Variants in SETD3 observed in about 807,000 individuals in gnomAD.
The protein encoded by SETD3 is actin-histidine N-methyltransferase.
A neutral mutation model predicts 63.0 loss-of-function variants in SETD3; 19 were observed. The ratio of observed to expected loss-of-function variants is 0.30; its 90% CI spans 0.21 to 0.44. The LOEUF (loss-of-function observed/expected upper bound fraction) is 0.44, where lower values mean the gene tolerates loss of function less well. Among genes scored for constraint, SETD3 ranks in the 20% least tolerant of loss-of-function variants. The probability of loss-of-function intolerance (pLI) is 1.00; values close to 1 mark genes in which losing one functional copy is unlikely to be tolerated. For missense variants in SETD3, 587 were observed against 728.5 expected (o/e 0.81, Z 2.24); for synonymous variants, 286 against 264.1 (o/e 1.08, Z -0.80).
chr14:99,481,301 C>T (rs1896305093), upstream of SETD3: 2 of 395,498 alleles, frequency 5.1e-6, no homozygotes, highest in African/African-American at 2.1e-5. Context: ...GCTCGTTCCT[C>T]TTTTGAGAGC....
At chr14:99,455,591 ACATT>A in intron 6 of SETD3, among the ~76,000 whole-genome samples, 1 of 152,360 alleles carries the variant, frequency 6.6e-6, no homozygotes, top group African/African-American at 2.4e-5. Context: ...TAACGAGAAG[ACATT>A]CATGAGAAAA....
rs751997703 is a variant in SETD3 at position 99,405,205 on chromosome 14, G to A, written c.1091C>T (p.Thr364Ile). ...GGCCAACCGATGTTTTTCTACGTAC[G>A]TGGGGATGCCGGCACGAGCCAAGAC... ...AEVLARAGIPTSSVFALHFTE... is the reference protein window; with the variant it reads ...AEVLARAGIPISSVFALHFTE... Residue 364 changes from threonine to isoleucine, a missense_variant and splice_region_variant, in exon 10 of 13, where the codon ACT becomes ATT. Thr to Ile is a moderately conservative substitution (Grantham distance 89, BLOSUM62 -1). Coordinates refer to ENST00000331768, the MANE Select transcript of SETD3 (RefSeq NM_032233.3). 5.0e-6 allele frequency: 8 copies of A among 1,611,780 alleles called. No individual in the cohort carries two copies. The highest frequency in any genetic ancestry group is 2.2e-5 in the South Asian group (2 of 90,510).
intron 6 of SETD3, among the ~76,000 whole-genome samples, chr14:99,443,565 T>C (rs778596214): frequency 1.2e-4 from 18 of 152,200 alleles, no homozygotes; most frequent in Non-Finnish European, 2.2e-4. Context: ...TGATTTTGTT[T>C]TTAATCTGTG....
chr14:99,479,507 T>A (rs74433000), intron 1 of SETD3, among the ~76,000 whole-genome samples: 3,786 of 152,324 alleles, frequency 0.025, 159 homozygotes, highest in African/African-American at 0.086. Flanking sequence ...GGGTTAAATG[T>A]ATTCGCTTAA....
chr14:99,478,955 C>T (rs969303447), intron 1 of SETD3, among the ~76,000 whole-genome samples: 1 of 152,182 alleles, frequency 6.6e-6, no homozygotes, highest in African/African-American at 2.4e-5. Flanking sequence ...CCTAAATGTC[C>T]ACGGCACGGA....
chr14:99,445,672 G>A (rs771094187), intron 6 of SETD3, among the ~76,000 whole-genome samples: 4 of 152,182 alleles, frequency 2.6e-5, no homozygotes, highest in East Asian at 1.9e-4. Flanking sequence ...ATATATCAAC[G>A]AATGTGAGTG....
chr14:99,401,973 G>GGAGCTGA (rs1555392071), intron 11 of SETD3, among the ~76,000 whole-genome samples: 6,124 of 152,260 alleles, frequency 0.04, 403 homozygotes, highest in African/African-American at 0.14. Flanking sequence ...CTGCCTGCAG[G>GGAGCTGA]CCAGGAGCTC....
intron 1 of SETD3, among the ~76,000 whole-genome samples, chr14:99,477,745 T>C (rs1353061428): frequency 2.4e-5 from 1 of 41,366 alleles, no homozygotes; most frequent in African/African-American, 8.2e-5. Flanking sequence ...CGAAACTCCA[T>C]CTCAAAAAAA....
intron 6 of SETD3, among the ~76,000 whole-genome samples, chr14:99,428,926 A>G (rs1360654561): frequency 6.6e-6 from 1 of 152,168 alleles, no homozygotes; most frequent in Non-Finnish European, 1.5e-5. Context: ...AGACAGCCCA[A>G]CTAAGCCATG....
chr14:99,448,805 A>C (rs1343115989), intron 6 of SETD3, among the ~76,000 whole-genome samples: 1 of 152,228 alleles, frequency 6.6e-6, no homozygotes, highest in East Asian at 1.9e-4. Flanking sequence ...ATTTAAGTGA[A>C]ACTGAGGTCA....
chr14:99,427,802 C>T (rs28523374), intron 6 of SETD3, among the ~76,000 whole-genome samples: 1,682 of 152,200 alleles, frequency 0.011, 38 homozygotes, highest in African/African-American at 0.038. Flanking sequence ...CAAACTGTGA[C>T]GTGTCACACC....
At chr14:99,426,239 G>A (rs767803034) in intron 6 of SETD3, among the ~76,000 whole-genome samples, 2 of 152,186 alleles carry the variant, frequency 1.3e-5, no homozygotes, top group African/African-American at 2.4e-5. Flanking sequence ...AAAATACCAC[G>A]TAGCACTCTG....
At position 99,459,213 on chromosome 14, in the gene SETD3, T is replaced by C. The variant is rs1449533730; in HGVS notation, c.346-28A>G. 9 of 1,505,872 alleles carry C rather than the reference T, an allele frequency of 6.0e-6. No homozygotes were observed. The East Asian group carries it at 1.4e-4, about 23-fold the overall frequency. The allele number at this position is 1,505,872 out of a possible 1,614,324, so 93.3% of individuals were successfully genotyped here. ...AGGGAAAAAAATAATAATAGGAGAA[T>C]CATCAAAACACGGTACAGTCTTCAA... On this transcript the variant is annotated intron_variant, in intron 4 of 12. Coordinates refer to ENST00000331768, the MANE Select transcript of SETD3 (RefSeq NM_032233.3).
intron 1 of SETD3, among the ~76,000 whole-genome samples, chr14:99,471,645 C>T (rs1169807413): frequency 6.6e-6 from 1 of 151,668 alleles, no homozygotes; most frequent in Non-Finnish European, 1.5e-5. Flanking sequence ...AATCCTGTCT[C>T]AAAAAAAACT....
At chr14:99,481,094 G>GC (rs1896292996), upstream of SETD3, 1 of 234,660 alleles carries the variant, frequency 4.3e-6, no homozygotes, top group Non-Finnish European at 8.2e-6. Flanking sequence ...GGCTGCGTTC[G>GC]CCCCCGCCAG....
At chr14:99,486,064 G>C in the SETD3 span, among the ~76,000 whole-genome samples, 2 of 152,146 alleles carry the variant, frequency 1.3e-5, no homozygotes, top group African/African-American at 4.8e-5. Flanking sequence ...AGTATTTGCA[G>C]AGTCATGAAA....
chr14:99,405,817 T>C (rs1891650726), intron 9 of SETD3, among the ~76,000 whole-genome samples: 1 of 152,250 alleles, frequency 6.6e-6, no homozygotes, highest in Admixed American at 6.5e-5. Flanking sequence ...TGTCAGAAAC[T>C]TATTTCTAGA....
chr14:99,404,148 T>G (rs1253935932), intron 11 of SETD3, 77 bp downstream of exon 11: 1 of 1,181,502 alleles, frequency 8.5e-7, no homozygotes, highest in Non-Finnish European at 1.2e-6. Context: ...TTACCTTTAA[T>G]CTGAATCCCT....
At chr14:99,427,600 CTAATGCACA>C (rs1892951247) in intron 6 of SETD3, among the ~76,000 whole-genome samples, 1 of 152,180 alleles carries the variant, frequency 6.6e-6, no homozygotes, top group Non-Finnish European at 1.5e-5. Context: ...CCTTGATGTA[CTAATGCACA>C]TTTCTGCAGC....
Sources: gnomAD v4.1 joint callset for allele counts (sites outside exome capture counted in the v4.1 genomes callset) on GRCh38, gnomAD v4.1.1 for gene constraint, MANE v1.5 for transcripts, NCBI Gene and HGNC (gene_info 2026-07-23, HGNC 2026-07-21) for gene names.